Variants in VSIG1 observed in about 807,000 individuals in gnomAD.
VSIG1 encodes the protein V-set and immunoglobulin domain-containing protein 1.
Under a neutral mutation model 20.1 loss-of-function variants are expected in VSIG1, and 11 were observed. That is an observed-to-expected ratio of 0.55 (90% CI 0.34 to 0.91). The LOEUF (loss-of-function observed/expected upper bound fraction) is 0.91, where lower values mean the gene tolerates loss of function less well. Among genes scored for constraint, VSIG1 ranks in the 40% least tolerant of loss-of-function variants. VSIG1 has a pLI of 0.02. For missense variants in VSIG1, 283 were observed against 298.8 expected, an observed-to-expected ratio of 0.95 and a Z score of 0.39; for synonymous variants, 126 against 116.7, an observed-to-expected ratio of 1.08 and a Z score of -0.52.
At chrX:108,043,406 G>A (rs538696518), upstream of VSIG1, among the ~76,000 whole-genome samples, 392 of 112,145 alleles carry the variant, frequency 3.5e-3, no homozygotes, top group Non-Finnish European at 6.4e-3. Context: ...ATAAGACATG[G>A]TCCCTACCCT....
In VSIG1 at chrX:108,067,034, G is replaced by A. The variant is rs761427545; in HGVS notation, c.312G>A (p.Ser104=). The A allele has an allele frequency of 3.3e-6, 4 of 1,210,803 alleles. No homozygotes were observed. Among genetic ancestry groups the A allele is most frequent in the Non-Finnish European group, 4.5e-6 (4 of 894,973 alleles). ...NDPGNASITI[S]HMQPADSGIY... The stretch of plus-strand genomic sequence containing the variant: ...CAGGTAATGCATCTATCACTATCTC[G>A]CATATGCAGCCAGCAGACAGTGGAA... The change falls in exon 3 of 7, where the codon TCG becomes TCA. Residue 104 remains serine, a synonymous_variant. Transcript: ENST00000217957.
intron 2 of VSIG1, chrX:108,064,730 G>C: frequency 2.7e-6 from 2 of 753,758 alleles, no homozygotes; most frequent in Non-Finnish European, 3.1e-6. Flanking sequence ...AGGAGGGGAA[G>C]TGGCCAGATG....
chrX:108,038,842 TA>T, the VSIG1 span, among the ~76,000 whole-genome samples: 5 of 112,234 alleles, frequency 4.5e-5, no homozygotes, highest in South Asian at 1.5e-3. Flanking sequence ...TAAGCTATTT[TA>T]TTTTTTTAAA....
chrX:108,039,621 G>A, the VSIG1 span, among the ~76,000 whole-genome samples: 1 of 111,556 alleles, frequency 9.0e-6, no homozygotes. Context: ...AGAATAGACT[G>A]TGAGAAGGAC....
chrX:108,048,518 C>T (rs1227997580), intron 1 of VSIG1, among the ~76,000 whole-genome samples: 3 of 112,087 alleles, frequency 2.7e-5, no homozygotes, highest in Non-Finnish European at 5.6e-5. Flanking sequence ...AGGGACATTG[C>T]GTTCTTGGGT....
the VSIG1 span, among the ~76,000 whole-genome samples, chrX:108,022,527 G>A: frequency 9.0e-6 from 1 of 111,684 alleles, no homozygotes; most frequent in Non-Finnish European, 1.9e-5. Flanking sequence ...CTATATGGAT[G>A]TCATTTCTTT....
Position 108,077,238 on chromosome X carries a change from G to T in VSIG1, c.1021G>T (p.Val341Leu), listed in dbSNP as rs1381410505. ...EPAPGSEPMA[V>L]PDLDIELELE... ...TGCCCCAGGATCAGAGCCTATGGCA[G>T]TGCCTGACCTTGACATCGAGCTGGA... The change falls in exon 7 of 7, where the codon GTG becomes TTG. Residue 341 changes from valine (V) to leucine (L), a missense_variant. Val to Leu is a conservative substitution (Grantham distance 32, BLOSUM62 1). Coordinates refer to ENST00000217957, the MANE Select transcript of VSIG1 (RefSeq NM_182607.5). The T allele has an allele frequency of 4.1e-6, 5 of 1,212,118 alleles. No homozygotes were observed. Among genetic ancestry groups the T allele is most frequent in the East Asian group, 3.0e-5 (1 of 33,845 alleles).
chrX:108,052,442 TACAC>T (rs764453844), intron 1 of VSIG1, among the ~76,000 whole-genome samples: 2 of 107,001 alleles, frequency 1.9e-5, no homozygotes, highest in Non-Finnish European at 3.9e-5. Context: ...CTACCAAAAA[TACAC>T]ACACACACAC....
At chrX:108,042,278 G>A (rs1353364993), upstream of VSIG1, among the ~76,000 whole-genome samples, 2 of 111,577 alleles carry the variant, frequency 1.8e-5, no homozygotes, top group African/African-American at 6.5e-5. Flanking sequence ...GTGCAGATGG[G>A]TTTGGGCAAT....
the VSIG1 span, among the ~76,000 whole-genome samples, chrX:108,036,954 G>A: frequency 8.9e-6 from 1 of 111,842 alleles, no homozygotes; most frequent in East Asian, 2.8e-4. Flanking sequence ...TTATTATAAT[G>A]AGGGCACCAG....
intron 1 of VSIG1, among the ~76,000 whole-genome samples, chrX:108,053,358 A>G (rs1456148393): frequency 8.9e-6 from 1 of 111,957 alleles, no homozygotes; most frequent in Non-Finnish European, 1.9e-5. Context: ...AAAGGAAACT[A>G]AATGGAAGTG....
the VSIG1 span, among the ~76,000 whole-genome samples, chrX:108,028,891 A>C: frequency 5.4e-5 from 6 of 111,734 alleles, no homozygotes; most frequent in Non-Finnish European, 1.1e-4. Context: ...AGAAGGAATT[A>C]ATGATGGAGA....
At chrX:108,067,197 G>A in intron 3 of VSIG1, 63 bp downstream of exon 3, 1 of 1,093,793 alleles carries the variant, frequency 9.1e-7, no homozygotes, top group Admixed American at 2.2e-5. Context: ...AATGAGCCAG[G>A]ACAGTGAGTT....
chrX:108,022,685 A>G, the VSIG1 span, among the ~76,000 whole-genome samples: 1 of 111,924 alleles, frequency 8.9e-6, no homozygotes, highest in East Asian at 2.8e-4. Flanking sequence ...TGGGGTTTTC[A>G]TAGATGCCTG....
intron 2 of VSIG1, among the ~76,000 whole-genome samples, chrX:108,059,419 C>T (rs1445732413): frequency 1.8e-5 from 2 of 111,810 alleles, no homozygotes; most frequent in Non-Finnish European, 3.8e-5. Flanking sequence ...CCAAGTTAAA[C>T]AATTTTGCTC....
the VSIG1 span, among the ~76,000 whole-genome samples, chrX:108,024,843 A>G: frequency 8.9e-6 from 1 of 111,756 alleles, no homozygotes; most frequent in East Asian, 2.8e-4. Flanking sequence ...TTTAAAATTC[A>G]TTGAAACTTG....
intron 5 of VSIG1, chrX:108,073,795 G>A (rs546044756): frequency 9.5e-4 from 107 of 112,868 alleles, no homozygotes; most frequent in African/African-American, 3.3e-3. Context: ...CCACAATCAC[G>A]GTAGCTACTA....
chrX:108,042,519 A>G (rs1341105010), upstream of VSIG1, among the ~76,000 whole-genome samples: 1 of 111,669 alleles, frequency 9.0e-6, no homozygotes, highest in Non-Finnish European at 1.9e-5. Context: ...TTAATGATCA[A>G]TGGTCACACT....
the VSIG1 span, among the ~76,000 whole-genome samples, chrX:108,025,143 T>C: frequency 8.9e-6 from 1 of 111,905 alleles, no homozygotes; most frequent in African/African-American, 3.2e-5. Flanking sequence ...ATTAGAGGAA[T>C]TTATGTTTAT....
Sources: gnomAD v4.1 joint callset for allele counts (sites outside exome capture counted in the v4.1 genomes callset) on GRCh38, gnomAD v4.1.1 for gene constraint, MANE v1.5 for transcripts, NCBI Gene and HGNC (gene_info 2026-07-23, HGNC 2026-07-21) for gene names.